GRID2: variants seen among roughly 807,000 people sequenced by gnomAD.
GRID2 encodes the protein glutamate receptor ionotropic, delta-2.
GRID2 carries 33 observed loss-of-function variants against 114.8 expected under a neutral mutation model. The ratio of observed to expected loss-of-function variants is 0.29; its 90% CI spans 0.22 to 0.38. GRID2 has a LOEUF of 0.38. Among genes scored for constraint, GRID2 ranks in the 10% least tolerant of loss-of-function variants. GRID2 has a pLI of 1.00. For synonymous variants in GRID2, 505 were observed against 449.9 expected (o/e 1.12, Z -1.55); for missense variants, 1,184 against 1,257.7 (o/e 0.94, Z 0.89).
intron 14 of GRID2, among the ~76,000 whole-genome samples, chr4:93,701,621 A>G (rs1223287360): frequency 6.6e-6 from 1 of 152,130 alleles, no homozygotes; most frequent in Non-Finnish European, 1.5e-5. Context: ...GACCATTTTG[A>G]TAAGTTCAAG....
At chr4:93,078,643 A>G in intron 2 of GRID2, among the ~76,000 whole-genome samples, 1 of 147,972 alleles carries the variant, frequency 6.8e-6, no homozygotes, top group East Asian at 2.0e-4. Flanking sequence ...AATATGCTAA[A>G]TATAATTATA....
rs150791689 is a variant in GRID2 at position 92,546,159 on chromosome 4, G to T, written c.89-43972G>T. ...AAAAGCTGCTCAACCTTTACAATGT[G>T]ACTGTATATTTAGAGATAACTAATT... is the stretch of plus-strand genomic sequence containing the variant. On this transcript the variant is annotated intron_variant, in intron 1 of 15. Transcript: ENST00000282020. Among the ~76,000 whole-genome samples, 5 of 152,184 alleles carry T rather than the reference G, an allele frequency of 3.3e-5. No individual in the cohort carries two copies. In the East Asian group the frequency reaches 9.7e-4, roughly 29 times the overall value.
intron 13 of GRID2, among the ~76,000 whole-genome samples, chr4:93,517,968 C>CATACAT (rs1729926753): frequency 2.7e-5 from 1 of 36,700 alleles, no homozygotes; most frequent in Non-Finnish European, 6.7e-5. Flanking sequence ...TATGTATATA[C>CATACAT]ATACATGTAC....
intron 2 of GRID2, among the ~76,000 whole-genome samples, chr4:92,676,066 T>C (rs559184770): frequency 8.6e-4 from 130 of 151,716 alleles, no homozygotes; most frequent in African/African-American, 2.9e-3. Flanking sequence ...CAATATTTTG[T>C]CATAAATATA....
At chr4:92,610,624 A>G (rs1330191917) in intron 2 of GRID2, among the ~76,000 whole-genome samples, 1 of 151,602 alleles carries the variant, frequency 6.6e-6, no homozygotes, top group Non-Finnish European at 1.5e-5. Flanking sequence ...AAAATGTACA[A>G]TTAAACTATT....
intron 1 of GRID2, among the ~76,000 whole-genome samples, chr4:93,787,614 G>T (rs1274240543): frequency 6.6e-6 from 1 of 152,048 alleles, no homozygotes; most frequent in South Asian, 2.1e-4. Context: ...TTTACCTACT[G>T]GTCATTGTCT....
chr4:93,318,336 C>T (rs1489327333), intron 8 of GRID2, among the ~76,000 whole-genome samples: 1 of 151,604 alleles, frequency 6.6e-6, no homozygotes, highest in Non-Finnish European at 1.5e-5. Context: ...AAATATATGC[C>T]ACCAGTTTGT....
intron 12 of GRID2, among the ~76,000 whole-genome samples, chr4:93,497,260 C>T (rs1372796353): frequency 6.6e-6 from 1 of 151,666 alleles, no homozygotes; most frequent in Non-Finnish European, 1.5e-5. Context: ...AGTCCAGACA[C>T]AAAGGCTTTG....
chr4:93,746,480 A>AG (rs150340195), intron 14 of GRID2, among the ~76,000 whole-genome samples: 13,628 of 152,114 alleles, frequency 0.09, 682 homozygotes, highest in African/African-American at 0.14. Context: ...ATACAGGCCA[A>AG]TATAGATTGT....
chr4:93,249,899 A>G (rs1748658478), intron 8 of GRID2, among the ~76,000 whole-genome samples: 1 of 152,172 alleles, frequency 6.6e-6, no homozygotes, highest in Non-Finnish European at 1.5e-5. Flanking sequence ...TGTTGGTGGG[A>G]GTGTAAATTA....
At chr4:93,453,359 A>AGAGT (rs1284889245) in intron 10 of GRID2, among the ~76,000 whole-genome samples, 1,660 of 120,712 alleles carry the variant, frequency 0.014, 7 homozygotes, top group African/African-American at 0.018. Flanking sequence ...AGAGAGAGAG[A>AGAGT]GTGTGTGTAT....
Position 93,395,726 on chromosome 4 carries a change from C to T in GRID2, c.1347+18C>T. 2 of 1,150,468 alleles carry T rather than the reference C, an allele frequency of 1.7e-6. No individual in the cohort carries two copies. Among genetic ancestry groups the T allele is most frequent in the Non-Finnish European group, 2.6e-6 (2 of 764,524 alleles). The allele number at this position is 1,150,468 out of a possible 1,614,324, so 71.3% of individuals were successfully genotyped here. On this transcript the variant is annotated intron_variant, in intron 9 of 15. Coordinates refer to ENST00000282020, the MANE Select transcript of GRID2 (RefSeq NM_001510.4). ...CTGTTCTGGTAAGTATTATCTGAGC[C>T]TCGTGGTTTTGACTTTTGGAGGTTA...
chr4:93,809,697 A>G (rs1735095073), exon 2 of GRID2: 1 of 152,250 alleles, frequency 6.6e-6, no homozygotes, highest in South Asian at 2.1e-4. Context: ...GGAATGGAAA[A>G]TAATTCACAA....
intron 2 of GRID2, among the ~76,000 whole-genome samples, chr4:92,726,221 C>CT (rs1736062534): frequency 6.6e-6 from 1 of 151,962 alleles, no homozygotes; most frequent in African/African-American, 2.4e-5. Context: ...ATTAAACAAC[C>CT]TTTAGTTTCT....
intron 1 of GRID2, among the ~76,000 whole-genome samples, chr4:92,375,956 A>G (rs1729335367): frequency 6.6e-6 from 1 of 152,172 alleles, no homozygotes; most frequent in Non-Finnish European, 1.5e-5. Flanking sequence ...ACAAGAAAGT[A>G]ATGTAAATTG....
At chr4:92,533,182 G>GTT (rs1331638804) in intron 1 of GRID2, among the ~76,000 whole-genome samples, 495 of 145,042 alleles carry the variant, frequency 3.4e-3, no homozygotes, top group Non-Finnish European at 5.5e-3. Context: ...CAACTTTGGT[G>GTT]TGTTTTTTTG....
At chr4:92,550,137 T>C (rs1487103620) in intron 1 of GRID2, among the ~76,000 whole-genome samples, 1 of 152,178 alleles carries the variant, frequency 6.6e-6, no homozygotes, top group Non-Finnish European at 1.5e-5. Context: ...TTACCATGCA[T>C]AGAAGTGGAT....
chr4:93,531,069 G>T (rs539821141), intron 13 of GRID2, among the ~76,000 whole-genome samples: 5 of 152,064 alleles, frequency 3.3e-5, no homozygotes, highest in African/African-American at 1.2e-4. Context: ...CTTTGATTAG[G>T]GAAGGATGCC....
At chr4:93,568,135 T>C (rs138530994) in intron 13 of GRID2, among the ~76,000 whole-genome samples, 100 of 152,314 alleles carry the variant, frequency 6.6e-4, no homozygotes, top group African/African-American at 2.3e-3. Flanking sequence ...TTTCCTCACC[T>C]ATAAGGTAGG....
Sources: gnomAD v4.1 joint callset for allele counts (sites outside exome capture counted in the v4.1 genomes callset) on GRCh38, gnomAD v4.1.1 for gene constraint, MANE v1.5 for transcripts, NCBI Gene and HGNC (gene_info 2026-07-23, HGNC 2026-07-21) for gene names.